Variants in SLC7A14 observed in about 807,000 individuals in gnomAD.
SLC7A14 encodes solute carrier family 7 member 14, also known as gamma-aminobutyric acid transporter SLC7A14.
In SLC7A14, 37 loss-of-function variants were observed where a neutral mutation model predicts 60.2. That is an observed-to-expected ratio of 0.61 (90% confidence interval 0.47 to 0.81). The LOEUF (loss-of-function observed/expected upper bound fraction) is 0.81, where lower values mean the gene tolerates loss of function less well. SLC7A14 is among the 30% of genes least tolerant of loss of function. The probability of loss-of-function intolerance (pLI) is 0.00; values close to 1 mark genes in which losing one functional copy is unlikely to be tolerated. For synonymous variants in SLC7A14, 399 were observed against 395.8 expected, an observed-to-expected ratio of 1.01 and a Z score of -0.10; for missense variants, 886 against 982.7, an observed-to-expected ratio of 0.90 and a Z score of 1.32.
At chr3:170,573,822 C>T (rs1715014948) in intron 1 of SLC7A14, among the ~76,000 whole-genome samples, 1 of 152,216 alleles carries the variant, frequency 6.6e-6, no homozygotes, top group African/African-American at 2.4e-5. Flanking sequence ...GACTGTCTGT[C>T]CCACTCCATT....
At chr3:170,549,047 A>G (rs889060154) in intron 1 of SLC7A14, among the ~76,000 whole-genome samples, 2 of 152,182 alleles carry the variant, frequency 1.3e-5, no homozygotes, top group East Asian at 3.8e-4. Flanking sequence ...GAATAGACAT[A>G]AAACACTATA....
intron 5 of SLC7A14, among the ~76,000 whole-genome samples, chr3:170,484,886 T>C (rs1577503447): frequency 6.6e-6 from 1 of 152,278 alleles, no homozygotes; most frequent in Non-Finnish European, 1.5e-5. Flanking sequence ...CTCCTCCAGC[T>C]TCAGGGAGTC....
At chr3:170,493,540 C>G (rs571622102) in intron 4 of SLC7A14, among the ~76,000 whole-genome samples, 13 of 152,250 alleles carry the variant, frequency 8.5e-5, no homozygotes, top group Middle Eastern at 3.4e-3. Context: ...GTCCCCTAGT[C>G]AGGGGTAGAG....
At chr3:170,481,389 CTTTT>C (rs61203487) in intron 6 of SLC7A14, among the ~76,000 whole-genome samples, 121 of 117,074 alleles carry the variant, frequency 1.0e-3, no homozygotes, top group East Asian at 1.2e-3. Flanking sequence ...TCTTTGATTT[CTTTT>C]TTTTTTTTTT....
chr3:170,583,398 G>A (rs2108320828), intron 1 of SLC7A14, among the ~76,000 whole-genome samples: 1 of 152,286 alleles, frequency 6.6e-6, no homozygotes, highest in South Asian at 2.1e-4. Context: ...TATGTTAAGT[G>A]TTTGTATTTT....
chr3:170,581,696 C>A (rs577631992), intron 1 of SLC7A14, among the ~76,000 whole-genome samples: 4 of 152,252 alleles, frequency 2.6e-5, no homozygotes, highest in African/African-American at 9.6e-5. Flanking sequence ...AAATAATAAA[C>A]CATTGCAGAT....
At chr3:170,578,741 T>G (rs1307804318) in intron 1 of SLC7A14, among the ~76,000 whole-genome samples, 1 of 152,242 alleles carries the variant, frequency 6.6e-6, no homozygotes, top group African/African-American at 2.4e-5. Context: ...TGTTTAATTC[T>G]TCGGTCTTAA....
intron 4 of SLC7A14, chr3:170,496,192 TG>T: frequency 1.1e-6 from 1 of 905,146 alleles, no homozygotes; most frequent in Non-Finnish European, 1.9e-6. Flanking sequence ...AGCCTCTCCC[TG>T]GACATGGACA....
chr3:170,514,863 TG>T (rs1713100471), intron 2 of SLC7A14, among the ~76,000 whole-genome samples: 1 of 152,246 alleles, frequency 6.6e-6, no homozygotes, highest in Non-Finnish European at 1.5e-5. Flanking sequence ...ACTATGTGCA[TG>T]GGCATATTAA....
At chr3:170,558,488 A>C (rs886957346) in intron 1 of SLC7A14, among the ~76,000 whole-genome samples, 3 of 152,198 alleles carry the variant, frequency 2.0e-5, no homozygotes, top group African/African-American at 7.2e-5. Flanking sequence ...TTAGAAAATA[A>C]AAGGGTAGGG....
chr3:170,550,331 A>G (rs1411984550), intron 1 of SLC7A14, among the ~76,000 whole-genome samples: 2 of 152,184 alleles, frequency 1.3e-5, no homozygotes, highest in African/African-American at 2.4e-5. Context: ...GAATGATATA[A>G]TGAAATACTT....
intron 1 of SLC7A14, among the ~76,000 whole-genome samples, chr3:170,555,439 A>G (rs1714460841): frequency 6.6e-6 from 1 of 152,312 alleles, no homozygotes; most frequent in South Asian, 2.1e-4. Flanking sequence ...AAATATTCTT[A>G]TAAAATATGA....
chr3:170,483,764 T>C (rs1711925395), intron 5 of SLC7A14, among the ~76,000 whole-genome samples: 1 of 152,234 alleles, frequency 6.6e-6, no homozygotes, highest in South Asian at 2.1e-4. Context: ...ATCTCTCTGG[T>C]CCTTTGATAT....
chr3:170,581,015 T>A (rs1405127605), intron 1 of SLC7A14, among the ~76,000 whole-genome samples: 2 of 152,184 alleles, frequency 1.3e-5, no homozygotes, highest in South Asian at 2.1e-4. Flanking sequence ...AGGTCATAGA[T>A]GCCAGGTTTG....
At chr3:170,548,916 CTT>C (rs1714255981) in intron 1 of SLC7A14, among the ~76,000 whole-genome samples, 1 of 152,178 alleles carries the variant, frequency 6.6e-6, no homozygotes, top group Admixed American at 6.5e-5. Context: ...GTCTGTGTCT[CTT>C]TTAGTTTCTG....
chr3:170,489,952 T>G (rs6792214), intron 4 of SLC7A14, among the ~76,000 whole-genome samples: 16,012 of 150,300 alleles, frequency 0.11, 1,185 homozygotes, highest in African/African-American at 0.21. Context: ...GGAAGGATAG[T>G]TGGGGGCTGG....
At chr3:170,573,388 A>G (rs1283374029) in intron 1 of SLC7A14, among the ~76,000 whole-genome samples, 2 of 152,236 alleles carry the variant, frequency 1.3e-5, no homozygotes, top group Admixed American at 1.3e-4. Flanking sequence ...CAGTTCATCC[A>G]CAATTAAACA....
Position 170,460,295 on chromosome 3 carries a change from A to G in SLC7A14, c.*6760T>C, listed in dbSNP as rs988380815. The G allele has an allele frequency of 1.3e-5, 2 of 152,246 alleles. No homozygotes were observed. The highest frequency in any genetic ancestry group is 2.9e-5 in the Non-Finnish European group (2 of 68,050). 9.4% of individuals were successfully genotyped at this position (152,246 alleles called of 1,614,324 possible). ...AATTAAACAGTAACGTTTCTTTTCC[A>G]CAGTGAGAAAAGCTAGAATGTGGAG... On this transcript the variant is annotated 3_prime_UTR_variant, in exon 8 of 8. Transcript: ENST00000231706.
chr3:170,501,458 C>T (rs1333632821), intron 2 of SLC7A14, 113 bp from the exon 3 acceptor site: 4 of 867,892 alleles, frequency 4.6e-6, no homozygotes, highest in Non-Finnish European at 7.4e-6. Flanking sequence ...AGAACAAATA[C>T]ACAAAGTTTT....
Sources: allele counts gnomAD v4.1 joint callset (sites outside exome capture counted in the v4.1 genomes callset), GRCh38; gene constraint gnomAD v4.1.1; transcripts MANE v1.5; gene names NCBI Gene and HGNC (gene_info 2026-07-23, HGNC 2026-07-21).